The following SCD variants were observed in gnomAD, a reference collection of about 807,000 sequenced individuals.
SCD encodes the protein stearoyl-CoA desaturase.
A neutral mutation model predicts 35.7 loss-of-function variants in SCD; 4 were observed. That is an observed-to-expected ratio of 0.11 (90% CI 0.06 to 0.26). SCD has a LOEUF of 0.26. Ranked by LOEUF, SCD falls within the 10% of genes least tolerant of loss-of-function variation. SCD has a pLI of 1.00. For missense variants in SCD, 282 were observed against 460.7 expected (o/e 0.61, Z 3.55); for synonymous variants, 150 against 170.2 (o/e 0.88, Z 0.92).
In SCD at chr10:100,347,531, T is replaced by A; in HGVS notation, c.27T>A (p.Asp9Glu). Reference sequence around the variant, plus strand: ...TGCCGGCCCACTTGCTGCAGGACGATGTGAGTTTCCCAGCCTGGCCCCGTA... The same window carrying A: ...TGCCGGCCCACTTGCTGCAGGACGAAGTGAGTTTCCCAGCCTGGCCCCGTA... Reference protein sequence around the residue: MPAHLLQDDISSSYTTTTT... With the variant: MPAHLLQDEISSSYTTTTT... The change falls in exon 1 of 6, where the codon GAT becomes GAA. Residue 9 changes from aspartate to glutamate, a missense_variant and splice_region_variant. Physicochemically the swap from Asp to Glu is conservative, Grantham distance 45 (BLOSUM62 2). Transcript: ENST00000370355. 6.2e-7 allele frequency: 1 copy of A among 1,613,884 alleles called. No individual in the cohort carries two copies. The highest frequency in any genetic ancestry group is 8.5e-7 in the Non-Finnish European group (1 of 1,179,940).
At chr10:100,354,739 G>C in intron 4 of SCD, 107 bp downstream of exon 4, 1 of 856,382 alleles carries the variant, frequency 1.2e-6, no homozygotes, top group South Asian at 1.6e-5. Context: ...AAATTTGCTG[G>C]GTTTGCATGT....
At chr10:100,355,543 C>A (rs532572111) in intron 4 of SCD, among the ~76,000 whole-genome samples, 1 of 152,288 alleles carries the variant, frequency 6.6e-6, no homozygotes, top group Admixed American at 6.5e-5. Context: ...GCCATTACAT[C>A]TTTTGAACTG....
chr10:100,348,528 A>G (rs1236576244), intron 2 of SCD, among the ~76,000 whole-genome samples, 182 bp downstream of exon 2: 2 of 152,174 alleles, frequency 1.3e-5, no homozygotes, highest in African/African-American at 4.8e-5. Flanking sequence ...ACTGAGATGC[A>G]GGACTGTCAA....
chr10:100,347,385 G>C lies in SCD; in HGVS notation c.-120G>C. On this transcript the variant is annotated 5_prime_UTR_variant, in exon 1 of 6. Coordinates refer to ENST00000370355, the MANE Select transcript of SCD (RefSeq NM_005063.5). ...GCTAGCGCCGACAACCAGCTAGCGT[G>C]CAAGGCGCCGCGGCTCAGCGCGTAC... 8.9e-7 allele frequency: 1 copy of C among 1,129,828 alleles called. No individual in the cohort carries two copies. Among genetic ancestry groups the C allele is most frequent in the East Asian group, 2.5e-5 (1 of 39,810 alleles). 70.0% of individuals were successfully genotyped at this position (1,129,828 alleles called of 1,614,324 possible).
chr10:100,354,811 T>G (rs1191221464), intron 4 of SCD, among the ~76,000 whole-genome samples, 179 bp downstream of exon 4: 1 of 152,250 alleles, frequency 6.6e-6, no homozygotes, highest in Non-Finnish European at 1.5e-5. Context: ...CATAGACTAT[T>G]GCTCCATTTC....
intron 1 of SCD, 142 bp downstream of exon 1, chr10:100,347,673 T>G (rs1005210797): frequency 2.7e-5 from 24 of 890,040 alleles, no homozygotes; most frequent in Non-Finnish European, 3.9e-5. Context: ...TTCCGTGAGT[T>G]GGGAATGTGG....
In SCD at chr10:100,360,883, A is replaced by G; in HGVS notation, c.1030A>G (p.Ile344Val). The change falls in exon 6 of 6, where the codon ATC becomes GTC. Residue 344 changes from isoleucine (I) to valine (V), a missense_variant. Ile to Val is a conservative substitution (Grantham distance 29, BLOSUM62 3). This residue lies in a region of SCD where 205 missense variants were observed against 372.3 expected (regional missense o/e 0.55). Transcript: ENST00000370355. ...YDRKKVSKAA[I>V]LARIKRTGDG... is the part of the protein sequence containing the mutation. ...CCGGAAGAAAGTCTCCAAGGCCGCC[A>G]TCTTGGCCAGGATTAAAAGAACCGG... 2 of 1,613,980 alleles carry G rather than the reference A, an allele frequency of 1.2e-6. No homozygotes were observed. The highest frequency in any genetic ancestry group is 1.7e-6 in the Non-Finnish European group (2 of 1,179,852).
chr10:100,362,670 T>C lies in SCD; in HGVS notation c.*1737T>C, dbSNP rs200101634. On this transcript the variant is annotated 3_prime_UTR_variant, in exon 6 of 6. Transcript: ENST00000370355. The stretch of plus-strand genomic sequence containing the variant: ...TGAACCACTGCTTCTCTTTTGAAAG[T>C]AGAGCTAGCTGCCACTTTCACGTGG... The C allele has an allele frequency of 7.9e-5, 12 of 152,370 alleles. No homozygotes were observed. In the South Asian group the frequency reaches 8.3e-4, roughly 11 times the overall value. The allele number at this position is 152,370 out of a possible 1,614,324, so 9.4% of individuals were successfully genotyped here. A position where few individuals can be genotyped will look rare whatever the true frequency, so the allele number is the denominator to read the frequency against.
Position 100,356,908 on chromosome 10 carries a change from C to T in SCD, c.880+144C>T. ...CACTATAAAATTAGGGGGCAGTATA[C>T]TGGAAAACGCTTTTGAGAGTCAGGC... is the stretch of plus-strand genomic sequence containing the variant. On this transcript the variant is annotated intron_variant, in intron 5 of 5. Transcript: ENST00000370355. The surrounding 1 kb of genome is among the most constrained non-coding windows in gnomAD (Gnocchi z 4.1). 1.5e-6 allele frequency: 1 copy of T among 645,848 alleles called. No individual in the cohort carries two copies. Among genetic ancestry groups the T allele is most frequent in the South Asian group, 2.0e-5 (1 of 50,746 alleles). 40.0% of individuals were successfully genotyped at this position (645,848 alleles called of 1,614,324 possible).
chr10:100,361,125 A>G lies in SCD; in HGVS notation c.*192A>G. On this transcript the variant is annotated 3_prime_UTR_variant, in exon 6 of 6. Coordinates refer to ENST00000370355, the MANE Select transcript of SCD (RefSeq NM_005063.5). Reference sequence around the variant, plus strand: ...GCCTTTATGATGCTAAGCTGATATTATTTCTTCTCTTATCCTCTCTCTCTT... The same window carrying G: ...GCCTTTATGATGCTAAGCTGATATTGTTTCTTCTCTTATCCTCTCTCTCTT... 1 of 591,052 alleles carries G rather than the reference A, an allele frequency of 1.7e-6. No individual in the cohort carries two copies. The highest frequency in any genetic ancestry group is 3.0e-6 in the Non-Finnish European group (1 of 335,646). The allele number at this position is 591,052 out of a possible 1,614,324, so 36.6% of individuals were successfully genotyped here. A position where few individuals can be genotyped will look rare whatever the true frequency, so the allele number is the denominator to read the frequency against.
At chr10:100,360,062 G>T (rs1849974212) in intron 5 of SCD, among the ~76,000 whole-genome samples, 1 of 152,178 alleles carries the variant, frequency 6.6e-6, no homozygotes, top group Admixed American at 6.5e-5. Flanking sequence ...AGCAGCCCCT[G>T]GGAACTGCAG....
intron 2 of SCD, among the ~76,000 whole-genome samples, chr10:100,351,063 TG>T (rs1849866883): frequency 6.6e-6 from 1 of 152,238 alleles, no homozygotes; most frequent in Admixed American, 6.5e-5. Context: ...CAATGTGTGG[TG>T]TCTCCAACTG....
chr10:100,362,470 C>T lies in SCD; in HGVS notation c.*1537C>T, dbSNP rs200270686. 6.6e-6 allele frequency: 1 copy of T among 152,180 alleles called. No individual in the cohort carries two copies. Among genetic ancestry groups the T allele is most frequent in the Admixed American group, 6.5e-5 (1 of 15,278 alleles). 9.4% of individuals were successfully genotyped at this position (152,180 alleles called of 1,614,324 possible). A position where few individuals can be genotyped will look rare whatever the true frequency, so the allele number is the denominator to read the frequency against. ...CAGGGTTAGGAATCTCTTCACTACCCTGATTCTTGATTCCTGGCTCTACCC... is the reference window on the plus strand; with the variant it reads ...CAGGGTTAGGAATCTCTTCACTACCTTGATTCTTGATTCCTGGCTCTACCC... On this transcript the variant is annotated 3_prime_UTR_variant, in exon 6 of 6. Transcript: ENST00000370355.
intron 2 of SCD, among the ~76,000 whole-genome samples, chr10:100,348,761 C>A (rs901752921): frequency 2.0e-5 from 3 of 152,130 alleles, no homozygotes; most frequent in African/African-American, 7.2e-5. Context: ...CAATCATAGG[C>A]TAGCACAAGG....
chr10:100,353,446 G>A (rs1026739995), intron 3 of SCD, among the ~76,000 whole-genome samples: 4 of 152,050 alleles, frequency 2.6e-5, no homozygotes, highest in African/African-American at 4.8e-5. Flanking sequence ...TTAGCCAGGC[G>A]TGGTGGCGGG....
chr10:100,361,129 C>A lies in SCD; in HGVS notation c.*196C>A, dbSNP rs2133598336. The stretch of plus-strand genomic sequence containing the variant: ...TTATGATGCTAAGCTGATATTATTT[C>A]TTCTCTTATCCTCTCTCTCTTCTAG... On this transcript the variant is annotated 3_prime_UTR_variant, in exon 6 of 6. Transcript: ENST00000370355. The A allele has an allele frequency of 1.7e-6, 1 of 587,246 alleles. No individual in the cohort carries two copies. The highest frequency in any genetic ancestry group is 3.0e-6 in the Non-Finnish European group (1 of 332,704). The allele number at this position is 587,246 out of a possible 1,614,324, so 36.4% of individuals were successfully genotyped here.
intron 5 of SCD, 32 bp from the exon 6 acceptor site, chr10:100,360,702 C>T (rs758921652): frequency 3.7e-6 from 6 of 1,602,382 alleles, no homozygotes; most frequent in East Asian, 2.2e-5. Flanking sequence ...CTCAATGCAC[C>T]GTCACTCCAT....
rs747375259 is a variant in SCD, at chr10:100,352,418, T to C, written c.363T>C (p.Arg121=). The change falls in exon 3 of 6, where the codon CGT becomes CGC. Residue 121 remains arginine (R), a synonymous_variant. Transcript: ENST00000370355. The surrounding 1 kb of genome is among the most constrained non-coding windows in gnomAD (Gnocchi z 4.2). ...TGGGCATAACAGCAGGAGCTCATCG[T>C]CTGTGGAGCCACCGCTCTTACAAAG... ...SALGITAGAH[R]LWSHRSYKAR... 1.2e-6 allele frequency: 2 copies of C among 1,614,112 alleles called. No homozygotes were observed. Among genetic ancestry groups the C allele is most frequent in the South Asian group, 2.2e-5 (2 of 91,084 alleles).
chr10:100,354,990 G>A (rs1849913129), intron 4 of SCD, among the ~76,000 whole-genome samples: 1 of 152,148 alleles, frequency 6.6e-6, no homozygotes, highest in African/African-American at 2.4e-5. Context: ...GAGTGCAGTG[G>A]CACAATCATG....
Sources: gnomAD v4.1 joint callset for allele counts (sites outside exome capture counted in the v4.1 genomes callset) on GRCh38, gnomAD v4.1.1 for gene constraint, gnomAD v4.1.1 regional missense constraint, Gnocchi (gnomAD v3.1) non-coding constraint, MANE v1.5 for transcripts, NCBI Gene and HGNC (gene_info 2026-07-23, HGNC 2026-07-21) for gene names.